CA10: variants seen among roughly 807,000 people sequenced by gnomAD.
The protein encoded by CA10 is carbonic anhydrase 10 (inactive).
A neutral mutation model predicts 44.2 loss-of-function variants in CA10; 14 were observed. The ratio of observed to expected loss-of-function variants is 0.32; its 90% CI spans 0.21 to 0.50. The LOEUF is 0.50. Ranked by LOEUF, CA10 falls within the 20% of genes least tolerant of loss-of-function variation. CA10 has a pLI of 0.99. For synonymous variants in CA10, 159 were observed against 141.6 expected, an observed-to-expected ratio of 1.12 and a Z score of -0.87; for missense variants, 350 against 409.7, an observed-to-expected ratio of 0.85 and a Z score of 1.26.
chr17:51,851,094 C>A lies in CA10; in HGVS notation c.279+79896G>T, dbSNP rs76902930. Reference sequence around the variant, plus strand: ...CTGCCTAGCATGGAGTCTAGAAAGACCAAGATGCATGGGGGTGGCAGACCC... The same window carrying A: ...CTGCCTAGCATGGAGTCTAGAAAGAACAAGATGCATGGGGGTGGCAGACCC... On this transcript the variant is annotated intron_variant, in intron 3 of 8. Transcript: ENST00000451037. 2.8e-3 allele frequency among the ~76,000 whole-genome samples: 432 copies of A among 152,282 alleles called. 1 individual carries two copies. The highest frequency in any genetic ancestry group is 9.3e-3 in the African/African-American group (388 of 41,564).
intron 2 of CA10, among the ~76,000 whole-genome samples, chr17:51,985,689 G>T (rs1367853254): frequency 1.3e-5 from 2 of 151,874 alleles, no homozygotes; most frequent in Non-Finnish European, 2.9e-5. Flanking sequence ...ACACAAATCA[G>T]TAGCTGTCCT....
intron 4 of CA10, among the ~76,000 whole-genome samples, chr17:51,697,033 C>T (rs1435936132): frequency 6.6e-6 from 1 of 150,862 alleles, no homozygotes; most frequent in Non-Finnish European, 1.5e-5. Context: ...AATTTATGTA[C>T]ACAGGTAGGT....
rs1037117127 is a variant in CA10, at chr17:52,158,656, C to G, written c.-870G>C. ...TATTTTCCTGAACTCCCCAGAACCC[C>G]CAGTTGCCTGGCTTCCATCGCCCGC... On this transcript the variant is annotated 5_prime_UTR_variant, in exon 1 of 9. Transcript: ENST00000451037. 2 of 152,628 alleles carry G rather than the reference C, an allele frequency of 1.3e-5. No individual in the cohort carries two copies. Among genetic ancestry groups the G allele is most frequent in the African/African-American group, 2.4e-5 (1 of 41,476 alleles). 9.5% of individuals were successfully genotyped at this position (152,628 alleles called of 1,614,324 possible).
At chr17:51,954,668 C>T (rs1983601896) in intron 2 of CA10, among the ~76,000 whole-genome samples, 1 of 152,104 alleles carries the variant, frequency 6.6e-6, no homozygotes, top group Non-Finnish European at 1.5e-5. Context: ...GGAATAAAGT[C>T]CTGATCAGAT....
intron 4 of CA10, among the ~76,000 whole-genome samples, chr17:51,739,858 T>C (rs1487929492): frequency 6.6e-6 from 1 of 152,190 alleles, no homozygotes; most frequent in Non-Finnish European, 1.5e-5. Context: ...TCTTAGAATC[T>C]AGAAATTTGA....
At chr17:52,128,182 C>T (rs1404707013) in intron 1 of CA10, among the ~76,000 whole-genome samples, 1 of 152,210 alleles carries the variant, frequency 6.6e-6, no homozygotes, top group African/African-American at 2.4e-5. Context: ...CTCTCCTAAG[C>T]CTGTTTATCT....
intron 3 of CA10, among the ~76,000 whole-genome samples, chr17:51,896,841 T>A (rs138721463): frequency 6.6e-6 from 1 of 152,096 alleles, no homozygotes; most frequent in Non-Finnish European, 1.5e-5. Flanking sequence ...ATTAGTGATG[T>A]TGAGCATTTT....
intron 3 of CA10, among the ~76,000 whole-genome samples, chr17:51,788,561 T>C (rs1279596848): frequency 6.6e-6 from 1 of 152,220 alleles, no homozygotes; most frequent in Non-Finnish European, 1.5e-5. Context: ...TCATTACACA[T>C]TGGATGCATG....
chr17:51,871,050 CTTTTTTTTT>C (rs56319440), intron 3 of CA10, among the ~76,000 whole-genome samples: 12 of 94,860 alleles, frequency 1.3e-4, no homozygotes, highest in Admixed American at 4.0e-4. Context: ...TCCCACTTTA[CTTTTTTTTT>C]TTTTTTTTTT....
At chr17:52,145,287 T>C (rs1989560462) in intron 1 of CA10, among the ~76,000 whole-genome samples, 1 of 152,214 alleles carries the variant, frequency 6.6e-6, no homozygotes. Flanking sequence ...AAGTTTAGCA[T>C]GAACAGCAAA....
chr17:51,759,446 A>G lies in CA10; in HGVS notation c.280-11628T>C, dbSNP rs1905160319. 4.1e-5 allele frequency among the ~76,000 whole-genome samples: 6 copies of G among 147,952 alleles called. 1 individual carries two copies. In the South Asian group the frequency reaches 1.3e-3, roughly 31 times the overall value. The stretch of plus-strand genomic sequence containing the variant: ...TTTAATATATGTAAATATGTAATAT[A>G]TAAAATATTTAATATTTTATTATAT... On this transcript the variant is annotated intron_variant, in intron 3 of 8. Coordinates refer to ENST00000451037, the MANE Select transcript of CA10 (RefSeq NM_020178.5).
intron 2 of CA10, among the ~76,000 whole-genome samples, chr17:51,945,431 A>G (rs1360665823): frequency 6.6e-6 from 1 of 152,140 alleles, no homozygotes; most frequent in African/African-American, 2.4e-5. Flanking sequence ...CGATTTTGTC[A>G]TCTAATGCTA....
chr17:51,893,216 T>C (rs1980934574), intron 3 of CA10, among the ~76,000 whole-genome samples: 1 of 151,924 alleles, frequency 6.6e-6, no homozygotes, highest in African/African-American at 2.4e-5. Context: ...GGATTGAGAG[T>C]AACATGAAAC....
At chr17:51,820,316 T>A (rs995818331) in intron 3 of CA10, among the ~76,000 whole-genome samples, 1 of 147,504 alleles carries the variant, frequency 6.8e-6, no homozygotes, top group Non-Finnish European at 1.5e-5. Flanking sequence ...TGACACACAG[T>A]GGGTATTCAG....
intron 4 of CA10, among the ~76,000 whole-genome samples, chr17:51,737,079 G>A (rs1407178287): frequency 6.6e-6 from 1 of 152,168 alleles, no homozygotes; most frequent in East Asian, 1.9e-4. Context: ...CCAGGATCAA[G>A]CAGCTACTTA....
At chr17:52,147,375 A>C (rs896107832) in intron 1 of CA10, among the ~76,000 whole-genome samples, 15 of 152,140 alleles carry the variant, frequency 9.9e-5, no homozygotes, top group Admixed American at 9.8e-4. Context: ...TAAACAACCA[A>C]GGCATAAACA....
At position 51,674,901 on chromosome 17, in the gene CA10, TC is replaced by T. The variant is rs562356178; in HGVS notation, c.466-21166del. ...GCGTGTATTGTGATAAGCATAGCCATCCTTTTTAGGCTGCTGCTAATAACTA... is the reference window on the plus strand; with the variant it reads ...GCGTGTATTGTGATAAGCATAGCCATCTTTTTAGGCTGCTGCTAATAACTA... On this transcript the variant is annotated intron_variant, in intron 4 of 8. Coordinates refer to ENST00000451037, the MANE Select transcript of CA10 (RefSeq NM_020178.5). Among the ~76,000 whole-genome samples, 34 of 152,356 alleles carry T rather than the reference TC, an allele frequency of 2.2e-4. 3 individuals carry two copies. In the South Asian group the frequency reaches 6.6e-3, roughly 30 times the overall value.
At chr17:52,126,283 T>C (rs1319230767) in intron 1 of CA10, among the ~76,000 whole-genome samples, 1 of 152,186 alleles carries the variant, frequency 6.6e-6, no homozygotes, top group African/African-American at 2.4e-5. Flanking sequence ...TATGAAAGAA[T>C]AGAAATGCAT....
At chr17:52,134,600 AAATAAT>A (rs1023460799) in intron 1 of CA10, among the ~76,000 whole-genome samples, 2 of 152,206 alleles carry the variant, frequency 1.3e-5, no homozygotes, top group Admixed American at 1.3e-4. Context: ...TATTAGTTAA[AAATAAT>A]AATAATAGTA....
Sources: allele counts gnomAD v4.1 joint callset (sites outside exome capture counted in the v4.1 genomes callset), GRCh38; gene constraint gnomAD v4.1.1; transcripts MANE v1.5; gene names NCBI Gene and HGNC (gene_info 2026-07-23, HGNC 2026-07-21).